USP3: variants seen among roughly 807,000 people sequenced by gnomAD.
USP3 encodes ubiquitin specific peptidase 3.
A neutral mutation model predicts 72.3 loss-of-function variants in USP3; 20 were observed. The ratio of observed to expected loss-of-function variants is 0.28; its 90% CI spans 0.19 to 0.40. USP3 has a LOEUF of 0.40. Among genes scored for constraint, USP3 ranks in the 10% least tolerant of loss-of-function variants. The pLI is 1.00. For synonymous variants in USP3, 222 were observed against 225.3 expected (o/e 0.99, Z 0.13); for missense variants, 479 against 633.9 (o/e 0.76, Z 2.62).
chr15:63,573,041 A>G (rs2066804918), intron 9 of USP3, among the ~76,000 whole-genome samples: 1 of 151,986 alleles, frequency 6.6e-6, no homozygotes, highest in Non-Finnish European at 1.5e-5. Flanking sequence ...AGTGCCTACT[A>G]CTCCTGGTCT....
intron 11 of USP3, among the ~76,000 whole-genome samples, chr15:63,581,593 G>T (rs1237093440): frequency 7.0e-6 from 1 of 142,618 alleles, no homozygotes; most frequent in East Asian, 2.0e-4. Context: ...TATAGACAGG[G>T]TTTCACCATA....
At chr15:63,545,618 T>C (rs2066309266) in intron 3 of USP3, among the ~76,000 whole-genome samples, 1 of 152,108 alleles carries the variant, frequency 6.6e-6, no homozygotes, top group African/African-American at 2.4e-5. Context: ...TTTTCGTAAA[T>C]ACTGCTTTCT....
intron 8 of USP3, among the ~76,000 whole-genome samples, chr15:63,568,781 C>G (rs1193603551): frequency 6.6e-6 from 1 of 152,022 alleles, no homozygotes; most frequent in Non-Finnish European, 1.5e-5. Context: ...GTCTGAGCAG[C>G]AGGGAGTGTT....
intron 1 of USP3, 76 bp downstream of exon 1, chr15:63,504,906 A>C (rs1361312878): frequency 1.7e-6 from 2 of 1,177,808 alleles, no homozygotes. Context: ...TAGGGGCCGC[A>C]GGCGGCCGGC....
rs1416686049 is a variant in USP3 at position 63,504,620 on chromosome 15, C to G, written c.-120C>G. 1.2e-6 allele frequency: 1 copy of G among 817,654 alleles called. No individual in the cohort carries two copies. The highest frequency in any genetic ancestry group is 1.8e-6 in the Non-Finnish European group (1 of 557,260). 50.6% of individuals were successfully genotyped at this position (817,654 alleles called of 1,614,324 possible). A position where few individuals can be genotyped will look rare whatever the true frequency, so the allele number is the denominator to read the frequency against. On this transcript the variant is annotated 5_prime_UTR_variant, in exon 1 of 15. Transcript: ENST00000380324. ...TTCTTTGACGCAAGGGCTCGAGACG[C>G]AGCCGCCGTCGGCCGAGCGCCCGGC...
At chr15:63,590,571 T>C in intron 14 of USP3, 90 bp from the exon 15 acceptor site, 2 of 1,229,882 alleles carry the variant, frequency 1.6e-6, no homozygotes, top group Non-Finnish European at 2.2e-6. Context: ...GATGTATTCT[T>C]ATTAAAATTT....
rs920292565 is a variant in USP3, at chr15:63,592,969, T to C, written c.*2143T>C. On this transcript the variant is annotated 3_prime_UTR_variant, in exon 15 of 15. Transcript: ENST00000380324. ...TGTAAACTTATATCATCCAGTACAATGGCCCCTAGCCACATGTGACTGAAA... is the reference window on the plus strand; with the variant it reads ...TGTAAACTTATATCATCCAGTACAACGGCCCCTAGCCACATGTGACTGAAA... The C allele has an allele frequency of 6.6e-6, 1 of 152,190 alleles. No individual in the cohort carries two copies. The highest frequency in any genetic ancestry group is 2.4e-5 in the African/African-American group (1 of 41,438). 9.4% of individuals were successfully genotyped at this position (152,190 alleles called of 1,614,324 possible). A position where few individuals can be genotyped will look rare whatever the true frequency, so the allele number is the denominator to read the frequency against.
intron 3 of USP3, among the ~76,000 whole-genome samples, chr15:63,547,888 G>GAGAGAGAGAGAGAGGGAT (rs1555446525): frequency 1.4e-5 from 1 of 73,236 alleles, no homozygotes; most frequent in Non-Finnish European, 2.9e-5. Context: ...GAGAGAGAGA[G>GAGAGAGAGAGAGAGGGAT]AGAGAGAGGC....
At chr15:63,578,789 G>A (rs1439290409) in intron 11 of USP3, among the ~76,000 whole-genome samples, 1 of 152,066 alleles carries the variant, frequency 6.6e-6, no homozygotes, top group Non-Finnish European at 1.5e-5. Context: ...GGAGGAACAA[G>A]GCAATAAACT....
chr15:63,591,070 G>GT lies in USP3; in HGVS notation c.*246dup, dbSNP rs1467300330. 1 of 409,252 alleles carries GT rather than the reference G, an allele frequency of 2.4e-6. No individual in the cohort carries two copies. Among genetic ancestry groups the GT allele is most frequent in the Non-Finnish European group, 4.3e-6 (1 of 234,780 alleles). 25.4% of individuals were successfully genotyped at this position (409,252 alleles called of 1,614,324 possible). The stretch of plus-strand genomic sequence containing the variant: ...TGTAATAATTCAATTTTTATAGGTA[G>GT]TTGTAAGAACTTAGTCTTATTTGAC... On this transcript the variant is annotated 3_prime_UTR_variant, in exon 15 of 15. Coordinates refer to ENST00000380324, the MANE Select transcript of USP3 (RefSeq NM_006537.4).
intron 2 of USP3, among the ~76,000 whole-genome samples, chr15:63,535,861 A>C (rs923592126): frequency 2.6e-5 from 4 of 152,192 alleles, no homozygotes; most frequent in South Asian, 4.1e-4. Flanking sequence ...AACTCTCTGC[A>C]TCTGTTTATT....
At chr15:63,575,854 G>A (rs2066854430) in intron 11 of USP3, among the ~76,000 whole-genome samples, 1 of 152,088 alleles carries the variant, frequency 6.6e-6, no homozygotes, top group South Asian at 2.1e-4. Flanking sequence ...GTGGAAGTCA[G>A]TGAGAATTAA....
chr15:63,530,478 A>G (rs867535579), intron 1 of USP3: 2 of 328,114 alleles, frequency 6.1e-6, no homozygotes, highest in Non-Finnish European at 1.2e-5. Context: ...ACACCCGGCT[A>G]ATTTTTGTAT....
intron 7 of USP3, among the ~76,000 whole-genome samples, chr15:63,561,262 C>A (rs1233426750): frequency 1.3e-5 from 2 of 152,108 alleles, no homozygotes; most frequent in Non-Finnish European, 2.9e-5. Flanking sequence ...GTACTTGATG[C>A]ATTCATGTCA....
chr15:63,561,684 G>A (rs1318999427), intron 7 of USP3, among the ~76,000 whole-genome samples: 3 of 152,222 alleles, frequency 2.0e-5, no homozygotes, highest in African/African-American at 7.2e-5. Flanking sequence ...GCCTGAGAAG[G>A]CGAGTGTCTG....
chr15:63,584,006 T>C (rs1006689882), intron 11 of USP3, among the ~76,000 whole-genome samples: 1 of 152,124 alleles, frequency 6.6e-6, no homozygotes, highest in Non-Finnish European at 1.5e-5. Flanking sequence ...TGAATCATAA[T>C]TCTGTTTAAC....
chr15:63,557,618 C>T (rs1052719536), intron 5 of USP3, among the ~76,000 whole-genome samples: 2 of 152,276 alleles, frequency 1.3e-5, no homozygotes, highest in Middle Eastern at 3.4e-3. Flanking sequence ...TGTCTTGAGG[C>T]GCCTGGCCTC....
chr15:63,556,703 A>C lies in USP3; in HGVS notation c.405A>C (p.Lys135Asn). 1 of 1,608,816 alleles carries C rather than the reference A, an allele frequency of 6.2e-7. No homozygotes were observed. The highest frequency in any genetic ancestry group is 1.1e-5 in the South Asian group (1 of 90,304). Reference sequence around the variant, plus strand: ...CAGCTGACAGGCATAAGAAAAGAAAACTTTTGGAAAACTCAACACTAAACA... The same window carrying C: ...CAGCTGACAGGCATAAGAAAAGAAACCTTTTGGAAAACTCAACACTAAACA... ...AFTADRHKKR[K>N]LLENSTLNSK... Residue 135 changes from lysine to asparagine, a missense_variant, in exon 5 of 15, where the codon AAA becomes AAC. Physicochemically the swap from Lys to Asn is moderately conservative, Grantham distance 94. Transcript: ENST00000380324.
chr15:63,507,136 G>A lies in USP3; in HGVS notation c.91+2306G>A, dbSNP rs185745582. Among the ~76,000 whole-genome samples, 22 of 152,018 alleles carry A rather than the reference G, an allele frequency of 1.4e-4. No individual in the cohort carries two copies. The East Asian group carries it at 3.3e-3, about 23-fold the overall frequency. The stretch of plus-strand genomic sequence containing the variant: ...TTCATAGGGGACCAAAAGGGTAGCC[G>A]ATGTGTTGACTAATACTGTGACTGG... On this transcript the variant is annotated intron_variant, in intron 1 of 14. Transcript: ENST00000380324.
Sources: allele counts gnomAD v4.1 joint callset (sites outside exome capture counted in the v4.1 genomes callset), GRCh38; gene constraint gnomAD v4.1.1; transcripts MANE v1.5; gene names NCBI Gene and HGNC (gene_info 2026-07-23, HGNC 2026-07-21).